Variants in MYH4 observed in about 807,000 individuals in gnomAD.
The protein encoded by MYH4 is myosin heavy chain 4.
A neutral mutation model predicts 229.9 loss-of-function variants in MYH4; 200 were observed. The ratio of observed to expected loss-of-function variants is 0.87; its 90% CI spans 0.78 to 0.98. The LOEUF is 0.98. Among genes scored for constraint, MYH4 ranks in the 50% least tolerant of loss-of-function variants. The pLI, the probability that MYH4 is intolerant of heterozygous loss-of-function variation, is 0.00. For missense variants in MYH4, 2,148 were observed against 2,332.6 expected (o/e 0.92, Z 1.63); for synonymous variants, 761 against 834.6 (o/e 0.91, Z 1.52).
At chr17:10,449,324 A>T (rs189996528) in intron 30 of MYH4, among the ~76,000 whole-genome samples, 5 of 152,318 alleles carry the variant, frequency 3.3e-5, no homozygotes, top group African/African-American at 1.2e-4. Context: ...GAGCTGAGTG[A>T]GCAATGTGAA....
Position 10,443,301 on chromosome 17 carries a change from G to T in MYH4, c.*74C>A. ...AATTATCTAAAGATTTTATTTCCTT[G>T]ATATACAGGACAGTGACAAAGAACT... On this transcript the variant is annotated 3_prime_UTR_variant, in exon 40 of 40. Transcript: ENST00000255381. The surrounding 1 kb of genome is among the most constrained non-coding windows in gnomAD (Gnocchi z 4.6). 6.9e-7 allele frequency: 1 copy of T among 1,450,572 alleles called. No homozygotes were observed. Among genetic ancestry groups the T allele is most frequent in the Non-Finnish European group, 9.5e-7 (1 of 1,057,358 alleles). The allele number at this position is 1,450,572 out of a possible 1,614,324, so 89.9% of individuals were successfully genotyped here.
rs142444048 is a variant in MYH4 at position 10,450,591 on chromosome 17, C to T, written c.4043G>A (p.Arg1348Gln). The change falls in exon 30 of 40, where the codon CGG becomes CAG. Residue 1348 changes from arginine (R) to glutamine (Q), a missense_variant. Coordinates refer to ENST00000255381, the MANE Select transcript of MYH4 (RefSeq NM_017533.2). ...QSARHDCDLL[R>Q]EQYEEEQEAK... ...TTCCTGCTCCTCCTCATACTGTTCC[C>T]GCAGCAGGTCACAGTCATGGCGGGC... The T allele has an allele frequency of 3.7e-5, 60 of 1,614,068 alleles. No individual in the cohort carries two copies. The African/African-American group carries it at 4.3e-4, about 11-fold the overall frequency.
chr17:10,450,418 A>G (rs371609822), intron 30 of MYH4, 35 bp downstream of exon 30: 12 of 1,613,496 alleles, frequency 7.4e-6, no homozygotes, highest in Non-Finnish European at 1.0e-5. Flanking sequence ...CTTTACTTTT[A>G]TTTCTTCCTG....
rs753572719 is a variant in MYH4, at chr17:10,455,864, G to C, written c.2006C>G (p.Thr669Ser). 5.6e-6 allele frequency: 9 copies of C among 1,614,104 alleles called. No individual in the cohort carries two copies. The highest frequency in any genetic ancestry group is 6.8e-6 in the Non-Finnish European group (8 of 1,180,052). ...GATGCACCGCACAAAGTGGGGGTGA[G>C]TGCTCCTCAAGTTGGTCATCAGCTT... is the stretch of plus-strand genomic sequence containing the variant. ...LNKLMTNLRS[T>S]HPHFVRCIIP... The change falls in exon 18 of 40, where the codon ACT (threonine) becomes AGT (serine). Residue 669 changes from threonine to serine, a missense_variant. By Grantham distance (58) the Thr-to-Ser change is moderately conservative. Coordinates refer to ENST00000255381, the MANE Select transcript of MYH4 (RefSeq NM_017533.2).
At chr17:10,449,862 A>G (rs1386062573) in intron 30 of MYH4, among the ~76,000 whole-genome samples, 1 of 152,166 alleles carries the variant, frequency 6.6e-6, no homozygotes, top group Non-Finnish European at 1.5e-5. Flanking sequence ...GTTTAATTCT[A>G]ACAACTACTG....
chr17:10,448,245 C>T, intron 33 of MYH4, 119 bp from the exon 34 acceptor site: 1 of 1,276,942 alleles, frequency 7.8e-7, no homozygotes, highest in Non-Finnish European at 1.1e-6. Context: ...CTTAATGTAG[C>T]CTATTAGCTC....
rs940390529 is a variant in MYH4, at chr17:10,452,298, C to T, written c.3381G>A (p.Glu1127=). 1 of 1,614,124 alleles carries T rather than the reference C, an allele frequency of 6.2e-7. No individual in the cohort carries two copies. Residue 1127 remains glutamate (E), a synonymous_variant, in exon 27 of 40, where the codon GAG becomes GAA. Transcript: ENST00000255381. ...ARIEELEEEI[E]AERASRAKAE... is the part of the protein sequence containing the mutation. Reference sequence around the variant, plus strand: ...CTTTGGCCCGGGAGGCCCGCTCTGCCTCGATTTCCTCCTCCAGCTCCTCAA... The same window carrying T: ...CTTTGGCCCGGGAGGCCCGCTCTGCTTCGATTTCCTCCTCCAGCTCCTCAA...
rs1352844042 is a variant in MYH4, at chr17:10,466,296, G to A, written c.325C>T (p.Arg109Cys). The A allele has an allele frequency of 1.9e-6, 3 of 1,614,038 alleles. No homozygotes were observed. The highest frequency in any genetic ancestry group is 1.3e-5 in the African/African-American group (1 of 75,014). ...ACGTAGATCATCCAGGCTGCGTAAC[G>A]CTCTTTGAGGTTATACAGCACAGCA... Reference protein sequence around the residue: ...EPAVLYNLKERYAAWMIYTYS... With the variant: ...EPAVLYNLKECYAAWMIYTYS... The change falls in exon 4 of 40, where the codon CGT becomes TGT. Residue 109 changes from arginine (R) to cysteine (C), a missense_variant. Physicochemically the swap from Arg to Cys is radical, Grantham distance 180. Coordinates refer to ENST00000255381, the MANE Select transcript of MYH4 (RefSeq NM_017533.2).
chr17:10,461,684 A>C (rs78942451), intron 11 of MYH4, among the ~76,000 whole-genome samples: 2,465 of 152,252 alleles, frequency 0.016, 85 homozygotes, highest in African/African-American at 0.056. Context: ...CAGAGAAGAG[A>C]CATTTATGAA....
chr17:10,454,650 C>T lies in MYH4; in HGVS notation c.2596G>A (p.Glu866Lys). Residue 866 changes from glutamate to lysine, a missense_variant, in exon 22 of 40, where the codon GAG becomes AAG. Physicochemically the swap from Glu to Lys is moderately conservative, Grantham distance 56 (BLOSUM62 1). Coordinates refer to ENST00000255381, the MANE Select transcript of MYH4 (RefSeq NM_017533.2). ...MKEEFEKTKE[E>K]LAKTEAKRKE... is the part of the protein sequence containing the mutation. ...CTTTTTGCCTCTGTCTTAGCCAGCTCTTCTTTGGTTTTCTCAAATTCTTCC... is the reference window on the plus strand; with the variant it reads ...CTTTTTGCCTCTGTCTTAGCCAGCTTTTCTTTGGTTTTCTCAAATTCTTCC... 3 of 1,614,186 alleles carry T rather than the reference C, an allele frequency of 1.9e-6. No homozygotes were observed. The highest frequency in any genetic ancestry group is 1.7e-4 in the Middle Eastern group (1 of 6,058).
rs571545420 is a variant in MYH4, at chr17:10,457,270, G to A, written c.1897+150C>T. 21 of 873,732 alleles carry A rather than the reference G, an allele frequency of 2.4e-5. No individual in the cohort carries two copies. In the East Asian group the frequency reaches 5.3e-4, roughly 22 times the overall value. The allele number at this position is 873,732 out of a possible 1,614,324, so 54.1% of individuals were successfully genotyped here. A position where few individuals can be genotyped will look rare whatever the true frequency, so the allele number is the denominator to read the frequency against. The stretch of plus-strand genomic sequence containing the variant: ...TCTGAAAGTCTGTGACTGTAAGACT[G>A]TATCACAGTTATTAAATACACTTTC... On this transcript the variant is annotated intron_variant, in intron 16 of 39. Transcript: ENST00000255381.
chr17:10,451,334 G>C lies in MYH4; in HGVS notation c.3857C>G (p.Thr1286Arg), dbSNP rs995951685. 19 of 1,613,704 alleles carry C rather than the reference G, an allele frequency of 1.2e-5. No individual in the cohort carries two copies. The highest frequency in any genetic ancestry group is 1.6e-5 in the Non-Finnish European group (19 of 1,179,930). The part of the protein sequence containing the change: ...ELSAQKARLH[T>R]ESGEFSRQLD... Reference sequence around the variant, plus strand: ...GCTATTTATTTACTGACCTGATTCTGTGTGTAAACGTGCCTTCTGGGCTGA... The same window carrying C: ...GCTATTTATTTACTGACCTGATTCTCTGTGTAAACGTGCCTTCTGGGCTGA... Residue 1286 changes from threonine to arginine, a missense_variant, in exon 28 of 40, where the codon ACA becomes AGA. Physicochemically the swap from Thr to Arg is moderately conservative, Grantham distance 71 (BLOSUM62 -1). Transcript: ENST00000255381.
In MYH4 at chr17:10,454,950, A is replaced by G. The variant is rs1396750055; in HGVS notation, c.2426T>C (p.Met809Thr). The G allele has an allele frequency of 1.9e-6, 3 of 1,614,200 alleles. No homozygotes were observed. The highest frequency in any genetic ancestry group is 1.7e-5 in the Admixed American group (1 of 60,028). ...FLMRVEFRKM[M>T]ERRESIFCIQ... ...GTGTGTGGGCTCTCACCTCCTCTCC[A>G]TCATCTTTCTGAACTCCACTCTCAT... The change falls in exon 21 of 40, where the codon ATG becomes ACG. Residue 809 changes from methionine to threonine, a missense_variant. By Grantham distance (81) the Met-to-Thr change is moderately conservative (BLOSUM62 -1). Transcript: ENST00000255381.
intron 16 of MYH4, 141 bp from the exon 17 acceptor site, chr17:10,456,696 C>T (rs1157448698): frequency 3.1e-6 from 2 of 652,852 alleles, no homozygotes; most frequent in Non-Finnish European, 5.4e-6. Context: ...TTCCATATCT[C>T]TCCTCCCTCA....
chr17:10,445,077 T>C lies in MYH4; in HGVS notation c.5365A>G (p.Asn1789Asp), dbSNP rs1597413472. 8 of 1,614,148 alleles carry C rather than the reference T, an allele frequency of 5.0e-6. No homozygotes were observed. The East Asian group carries it at 1.8e-4, about 36-fold the overall frequency. Residue 1789 changes from asparagine to aspartate, a missense_variant, in exon 37 of 40, where the codon AAC (asparagine) becomes GAC (aspartate). Physicochemically the swap from Asn to Asp is conservative, Grantham distance 23. Transcript: ENST00000255381. ...TSAHLERMKK[N>D]MEQTVKDLQL... ...AGATCCTTCACGGTCTGCTCCATGT[T>C]CTTCTTCATCCGCTCCAGGTGGGCG...
At chr17:10,464,804 C>A in intron 5 of MYH4, 96 bp from the exon 6 acceptor site, 1 of 1,208,906 alleles carries the variant, frequency 8.3e-7, no homozygotes, top group Non-Finnish European at 1.2e-6. Flanking sequence ...TTTAAAACTC[C>A]CCATTTGCAA....
chr17:10,463,077 A>C lies in MYH4; in HGVS notation c.904+13T>G, dbSNP rs752608829. ...TTATTCTTTGGTAGAAATAAATCAA[A>C]GATGTGTCTTACCAATGAGCTCTGG... On this transcript the variant is annotated intron_variant, in intron 10 of 39. Transcript: ENST00000255381. 2 of 1,603,716 alleles carry C rather than the reference A, an allele frequency of 1.2e-6. No homozygotes were observed. Among genetic ancestry groups the C allele is most frequent in the Non-Finnish European group, 1.7e-6 (2 of 1,171,606 alleles).
At position 10,445,227 on chromosome 17, in the gene MYH4, T is replaced by C. The variant is rs2072498686; in HGVS notation, c.5295+10A>G. Reference sequence around the variant, plus strand: ...CATGTGTCAGTAAGACAAATGCTCATCTTGCTTACATCAGTGATGGCCTTC... The same window carrying C: ...CATGTGTCAGTAAGACAAATGCTCACCTTGCTTACATCAGTGATGGCCTTC... On this transcript the variant is annotated intron_variant, in intron 36 of 39. Transcript: ENST00000255381. The C allele has an allele frequency of 2.5e-6, 4 of 1,614,056 alleles. No individual in the cohort carries two copies. The highest frequency in any genetic ancestry group is 4.5e-5 in the East Asian group (2 of 44,892).
intron 4 of MYH4, among the ~76,000 whole-genome samples, chr17:10,465,964 C>G (rs1035272880): frequency 7.3e-5 from 11 of 151,072 alleles, no homozygotes; most frequent in Non-Finnish European, 1.3e-4. Context: ...TTAGTAGAGA[C>G]GGGGTTTCAC....
Sources: gnomAD v4.1 joint callset for allele counts (sites outside exome capture counted in the v4.1 genomes callset) on GRCh38, gnomAD v4.1.1 for gene constraint, Gnocchi (gnomAD v3.1) non-coding constraint, MANE v1.5 for transcripts, NCBI Gene and HGNC (gene_info 2026-07-23, HGNC 2026-07-21) for gene names.